Variants in SHC3 observed in about 807,000 individuals in gnomAD.
SHC3 encodes the protein SHC-transforming protein 3.
A neutral mutation model predicts 60.4 loss-of-function variants in SHC3; 15 were observed. That is an observed-to-expected ratio of 0.25 (90% CI 0.17 to 0.38). The LOEUF (loss-of-function observed/expected upper bound fraction) is 0.38, where lower values mean the gene tolerates loss of function less well. Among genes scored for constraint, SHC3 ranks in the 10% least tolerant of loss-of-function variants. The pLI is 1.00. For synonymous variants in SHC3, 294 were observed against 325.9 expected (o/e 0.90, Z 1.05); for missense variants, 677 against 786.1 (o/e 0.86, Z 1.66).
At chr9:89,118,557 A>T (rs546979755) in intron 1 of SHC3, among the ~76,000 whole-genome samples, 1 of 152,240 alleles carries the variant, frequency 6.6e-6, no homozygotes, top group Non-Finnish European at 1.5e-5. Flanking sequence ...ACATGCACTC[A>T]TGGACCACAG....
At chr9:89,125,645 G>A (rs970749839) in intron 1 of SHC3, among the ~76,000 whole-genome samples, 1 of 152,124 alleles carries the variant, frequency 6.6e-6, no homozygotes, top group African/African-American at 2.4e-5. Flanking sequence ...GATAAAACAG[G>A]TTGCAGTAAA....
intron 1 of SHC3, among the ~76,000 whole-genome samples, chr9:89,153,079 T>A (rs997850150): frequency 4.6e-5 from 7 of 152,204 alleles, no homozygotes; most frequent in African/African-American, 1.4e-4. Flanking sequence ...TATAAATATG[T>A]GCTCGTTGAG....
At chr9:89,109,321 T>G (rs1026609711) in intron 2 of SHC3, 6 of 825,766 alleles carry the variant, frequency 7.3e-6, no homozygotes, top group Non-Finnish European at 8.8e-6. Flanking sequence ...GTGCCCAGCA[T>G]GCAGTCTGGT....
At chr9:89,107,311 C>A (rs780763367) in intron 2 of SHC3, among the ~76,000 whole-genome samples, 14 of 152,214 alleles carry the variant, frequency 9.2e-5, no homozygotes, top group South Asian at 2.1e-4. Flanking sequence ...TGGCCCCTTG[C>A]CCTGTGACTC....
intron 1 of SHC3, among the ~76,000 whole-genome samples, chr9:89,155,107 T>C (rs1826603606): frequency 6.6e-6 from 1 of 152,202 alleles, no homozygotes; most frequent in African/African-American, 2.4e-5. Flanking sequence ...CTGGTCAGGA[T>C]GACCCTGTGT....
chr9:89,177,407 G>A lies in SHC3; in HGVS notation c.474+580C>T, dbSNP rs575096109. ...CTGTAAACCAGAACCTTTCCTTAGGGAATGAAAGACAAACCCCAAGAAAAC... is the reference window on the plus strand; with the variant it reads ...CTGTAAACCAGAACCTTTCCTTAGGAAATGAAAGACAAACCCCAAGAAAAC... On this transcript the variant is annotated intron_variant, in intron 1 of 11. Transcript: ENST00000375835. Among the ~76,000 whole-genome samples, 13 of 152,326 alleles carry A rather than the reference G, an allele frequency of 8.5e-5. No homozygotes were observed. In the South Asian group the frequency reaches 1.2e-3, roughly 15 times the overall value.
At chr9:89,174,591 T>G (rs1292405723) in intron 1 of SHC3, among the ~76,000 whole-genome samples, 2 of 152,342 alleles carry the variant, frequency 1.3e-5, no homozygotes, top group African/African-American at 4.8e-5. Context: ...GGCCTCCTGA[T>G]TCTTGCCCTT....
chr9:89,110,613 C>G (rs914421568), intron 2 of SHC3, among the ~76,000 whole-genome samples: 1 of 152,168 alleles, frequency 6.6e-6, no homozygotes, highest in African/African-American at 2.4e-5. Flanking sequence ...TGACCTCCAG[C>G]TATTAGCTAA....
chr9:89,116,067 C>G lies in SHC3; in HGVS notation c.475-3441G>C, dbSNP rs558977085. On this transcript the variant is annotated intron_variant, in intron 1 of 11. Coordinates refer to ENST00000375835, the MANE Select transcript of SHC3 (RefSeq NM_016848.6). ...GAACCATAGCACAGTTATGTGTGTACCACCATCGATGTTGCAAAATTACGT... is the reference window on the plus strand; with the variant it reads ...GAACCATAGCACAGTTATGTGTGTAGCACCATCGATGTTGCAAAATTACGT... 1.4e-3 allele frequency among the ~76,000 whole-genome samples: 218 copies of G among 152,146 alleles called. 1 individual carries two copies. The highest frequency in any genetic ancestry group is 4.9e-3 in the African/African-American group (204 of 41,502).
At chr9:89,025,464 A>T (rs1826278406) in intron 11 of SHC3, among the ~76,000 whole-genome samples, 1 of 152,206 alleles carries the variant, frequency 6.6e-6, no homozygotes, top group South Asian at 2.1e-4. Flanking sequence ...CTGGGCCCAC[A>T]TCAGCCCCCA....
chr9:89,070,453 C>T (rs1032386054), intron 5 of SHC3, among the ~76,000 whole-genome samples: 1 of 152,140 alleles, frequency 6.6e-6, no homozygotes, highest in Non-Finnish European at 1.5e-5. Context: ...CAGTGAGCAG[C>T]CAATTTGTGT....
intron 2 of SHC3, among the ~76,000 whole-genome samples, chr9:89,101,949 C>T (rs1825789684): frequency 6.6e-6 from 1 of 151,876 alleles, no homozygotes; most frequent in Non-Finnish European, 1.5e-5. Flanking sequence ...TGGTCCTGAC[C>T]CTGGAGTTTT....
chr9:89,174,720 T>C (rs11137527), intron 1 of SHC3, among the ~76,000 whole-genome samples: 15,031 of 152,280 alleles, frequency 0.099, 869 homozygotes, highest in Admixed American at 0.15. Flanking sequence ...GCAAACCCGG[T>C]GCAGCCCACA....
At chr9:89,080,453 C>T (rs1195026408) in intron 2 of SHC3, among the ~76,000 whole-genome samples, 1 of 152,152 alleles carries the variant, frequency 6.6e-6, no homozygotes, top group Non-Finnish European at 1.5e-5. Context: ...GAACTGGACT[C>T]TTTGAAATCA....
At chr9:89,126,072 G>C (rs2118152601) in intron 1 of SHC3, among the ~76,000 whole-genome samples, 1 of 152,216 alleles carries the variant, frequency 6.6e-6, no homozygotes, top group South Asian at 2.1e-4. Context: ...CATCTTTCCT[G>C]CGAACCATGG....
rs531430683 is a variant in SHC3, at chr9:89,144,550, C to T, written c.475-31924G>A. Reference sequence around the variant, plus strand: ...GGAGGAGCCAGGATTTGAGCCCAGACTACATCACATTAGACCTAACTCTTG... The same window carrying T: ...GGAGGAGCCAGGATTTGAGCCCAGATTACATCACATTAGACCTAACTCTTG... On this transcript the variant is annotated intron_variant, in intron 1 of 11. Coordinates refer to ENST00000375835, the MANE Select transcript of SHC3 (RefSeq NM_016848.6). 1.3e-4 allele frequency among the ~76,000 whole-genome samples: 20 copies of T among 152,318 alleles called. No homozygotes were observed. In the East Asian group the frequency reaches 3.9e-3, roughly 29 times the overall value.
intron 1 of SHC3, among the ~76,000 whole-genome samples, chr9:89,156,606 A>C (rs1826627083): frequency 6.6e-6 from 1 of 152,192 alleles, no homozygotes; most frequent in East Asian, 1.9e-4. Flanking sequence ...CTAAAGTCAC[A>C]AGATGTTTGG....
intron 11 of SHC3, among the ~76,000 whole-genome samples, chr9:89,016,862 T>G (rs181555907): frequency 1.3e-5 from 2 of 152,298 alleles, no homozygotes; most frequent in Admixed American, 6.5e-5. Context: ...GGTCCAATAT[T>G]CAGAAATCAA....
intron 1 of SHC3, among the ~76,000 whole-genome samples, chr9:89,124,272 G>C (rs1826132415): frequency 6.6e-6 from 1 of 152,174 alleles, no homozygotes; most frequent in African/African-American, 2.4e-5. Flanking sequence ...CATTGTGGAA[G>C]AGTGTGGCGA....
Sources: gnomAD v4.1 joint callset for allele counts (sites outside exome capture counted in the v4.1 genomes callset) on GRCh38, gnomAD v4.1.1 for gene constraint, MANE v1.5 for transcripts, NCBI Gene and HGNC (gene_info 2026-07-23, HGNC 2026-07-21) for gene names.